RBM39: variants seen among roughly 807,000 people sequenced by gnomAD.
RBM39 encodes RNA binding motif protein 39.
A neutral mutation model predicts 79.6 loss-of-function variants in RBM39; 12 were observed. The observed-to-expected ratio is 0.15, with a 90% confidence interval of 0.10 to 0.24. The LOEUF (loss-of-function observed/expected upper bound fraction) is 0.24, where lower values mean the gene tolerates loss of function less well. Ranked by LOEUF, RBM39 falls within the 10% of genes least tolerant of loss-of-function variation. The probability of loss-of-function intolerance (pLI) is 1.00; values close to 1 mark genes in which losing one functional copy is unlikely to be tolerated. For missense variants in RBM39, 243 were observed against 653.4 expected (o/e 0.37, Z 6.85); for synonymous variants, 185 against 208.4 (o/e 0.89, Z 0.97).
chr20:35,713,158 G>A (rs2036648242), intron 11 of RBM39, 62 bp from the exon 12 acceptor site: 4 of 1,387,656 alleles, frequency 2.9e-6, no homozygotes, highest in African/African-American at 1.4e-5. Context: ...AGTTTCCTGG[G>A]TCATTAATAT....
rs1186178192 is a variant in RBM39, at chr20:35,702,567, A to C, written c.*1914T>G. On this transcript the variant is annotated 3_prime_UTR_variant, in exon 17 of 17. Coordinates refer to ENST00000253363, the MANE Select transcript of RBM39 (RefSeq NM_184234.3). ...TTCAAGGGGAAAAACTGATAGCAGG[A>C]GATACTTTGGAAAAAGAGCACACTG... The C allele has an allele frequency of 6.6e-6, 1 of 151,826 alleles. No homozygotes were observed. Among genetic ancestry groups the C allele is most frequent in the East Asian group, 1.9e-4 (1 of 5,206 alleles). The allele number at this position is 151,826 out of a possible 1,614,324, so 9.4% of individuals were successfully genotyped here.
chr20:35,729,844 A>T (rs1223630437), intron 4 of RBM39, among the ~76,000 whole-genome samples: 55 of 3,826 alleles, frequency 0.014, no homozygotes, highest in East Asian at 0.023. Flanking sequence ...CTTGAGAATT[A>T]AAAAAAAAAA....
chr20:35,735,537 G>A (rs1213585474), intron 3 of RBM39, among the ~76,000 whole-genome samples: 2 of 152,178 alleles, frequency 1.3e-5, no homozygotes, highest in Non-Finnish European at 2.9e-5. Context: ...AGACAATGAA[G>A]TTTTAGAATG....
At chr20:35,739,400 C>G in intron 2 of RBM39, 1 of 472,116 alleles carries the variant, frequency 2.1e-6, no homozygotes, top group Non-Finnish European at 4.4e-6. Flanking sequence ...TACCATGGCT[C>G]TATTTCTGCC....
chr20:35,731,321 T>G (rs1188576933), intron 4 of RBM39: 1 of 152,286 alleles, frequency 6.6e-6, no homozygotes, highest in Non-Finnish European at 1.5e-5. Context: ...ACTTTAAATA[T>G]CCACATCCAA....
intron 13 of RBM39, 47 bp from the exon 14 acceptor site, chr20:35,707,248 G>A: frequency 7.3e-7 from 1 of 1,369,242 alleles, no homozygotes; most frequent in Non-Finnish European, 1.0e-6. Flanking sequence ...ATGCATGAAA[G>A]TATCCCTCAT....
chr20:35,734,222 G>C, intron 3 of RBM39: 1 of 1,303,654 alleles, frequency 7.7e-7, no homozygotes, highest in Non-Finnish European at 1.0e-6. Flanking sequence ...CAATCACAAG[G>C]AGATGTAGAG....
At chr20:35,723,731 C>T (rs2038292118) in intron 8 of RBM39, among the ~76,000 whole-genome samples, 1 of 152,206 alleles carries the variant, frequency 6.6e-6, no homozygotes, top group Non-Finnish European at 1.5e-5. Flanking sequence ...AGCCATCGCG[C>T]CCAGCCAAAA....
intron 3 of RBM39, chr20:35,734,760 A>G: frequency 1.6e-6 from 2 of 1,264,426 alleles, no homozygotes; most frequent in East Asian, 5.7e-5. Flanking sequence ...AGAAAATACA[A>G]TCTTTTGCAT....
intron 4 of RBM39, among the ~76,000 whole-genome samples, chr20:35,729,808 T>C (rs565954860): frequency 2.3e-4 from 35 of 151,014 alleles, no homozygotes; most frequent in African/African-American, 8.0e-4. Flanking sequence ...TTAGATATCT[T>C]TGTAAGCTAC....
At chr20:35,718,278 A>G (rs1208750790) in intron 9 of RBM39, among the ~76,000 whole-genome samples, 3 of 143,766 alleles carry the variant, frequency 2.1e-5, no homozygotes, top group Non-Finnish European at 4.5e-5. Flanking sequence ...AAAACAAAAC[A>G]AAACAAAAAA....
chr20:35,713,007 T>TA lies in RBM39; in HGVS notation c.1174+11_1174+12insT. The TA allele has an allele frequency of 6.3e-7, 1 of 1,590,874 alleles. No homozygotes were observed. Among genetic ancestry groups the TA allele is most frequent in the Non-Finnish European group, 8.5e-7 (1 of 1,172,494 alleles). On this transcript the variant is annotated intron_variant, in intron 12 of 16. Coordinates refer to ENST00000253363, the MANE Select transcript of RBM39 (RefSeq NM_184234.3). The stretch of plus-strand genomic sequence containing the variant: ...AAAAACGATTTAAAATTAGAAAAGA[T>TA]TCAATTCCTACCTGCCACAGCACCA...
At chr20:35,726,711 A>T (rs1366315381) in intron 6 of RBM39, among the ~76,000 whole-genome samples, 1 of 152,232 alleles carries the variant, frequency 6.6e-6, no homozygotes, top group Non-Finnish European at 1.5e-5. Context: ...AATATCAATT[A>T]AGGTTGTAAG....
At chr20:35,723,963 C>T (rs979190779) in intron 8 of RBM39, among the ~76,000 whole-genome samples, 5 of 152,116 alleles carry the variant, frequency 3.3e-5, no homozygotes, top group African/African-American at 1.2e-4. Context: ...ACTGCTTGAG[C>T]CCAGCAGGTC....
At chr20:35,705,433 A>G (rs1393854657) in intron 14 of RBM39, 103 bp from the exon 15 acceptor site, 11 of 689,010 alleles carry the variant, frequency 1.6e-5, no homozygotes, top group Non-Finnish European at 2.3e-5. Context: ...TAAAAAAAAT[A>G]CTTTGGAAAA....
intron 14 of RBM39, among the ~76,000 whole-genome samples, chr20:35,706,319 CTG>C (rs2035724848): frequency 6.6e-6 from 1 of 152,140 alleles, no homozygotes; most frequent in Admixed American, 6.5e-5. Flanking sequence ...CCAACCTAGA[CTG>C]AGACTCTGGC....
At chr20:35,728,598 G>GAA (rs1432045273) in intron 6 of RBM39, among the ~76,000 whole-genome samples, 6 of 152,074 alleles carry the variant, frequency 3.9e-5, no homozygotes, top group Non-Finnish European at 8.8e-5. Flanking sequence ...CCAACATGGT[G>GAA]AAACCCCGTC....
Position 35,703,017 on chromosome 20 carries a change from C to T in RBM39, c.*1464G>A, listed in dbSNP as rs1042797972. The T allele has an allele frequency of 1.3e-5, 2 of 151,972 alleles. No homozygotes were observed. Among genetic ancestry groups the T allele is most frequent in the African/African-American group, 4.8e-5 (2 of 41,404 alleles). 9.4% of individuals were successfully genotyped at this position (151,972 alleles called of 1,614,324 possible). A position where few individuals can be genotyped will look rare whatever the true frequency, so the allele number is the denominator to read the frequency against. On this transcript the variant is annotated 3_prime_UTR_variant, in exon 17 of 17. Transcript: ENST00000253363. ...CGACTGATATGAAATTCTGAATAAG[C>T]CTGTAAAACTTGTGCTTCAATGCTA...
At chr20:35,724,850 T>TA in intron 7 of RBM39, 128 bp from the exon 8 acceptor site, 1 of 1,199,676 alleles carries the variant, frequency 8.3e-7, no homozygotes, top group Non-Finnish European at 1.2e-6. Flanking sequence ...TGTAGGACAA[T>TA]TCCTATATCC....
Sources: gnomAD v4.1 joint callset for allele counts (sites outside exome capture counted in the v4.1 genomes callset) on GRCh38, gnomAD v4.1.1 for gene constraint, MANE v1.5 for transcripts, NCBI Gene and HGNC (gene_info 2026-07-23, HGNC 2026-07-21) for gene names.